BTBD16: variants seen among roughly 807,000 people sequenced by gnomAD.
BTBD16 encodes BTB domain containing 16.
Under a neutral mutation model 67.4 loss-of-function variants are expected in BTBD16, and 66 were observed. That is an observed-to-expected ratio of 0.98 (90% CI 0.80 to 1.20). BTBD16 has a LOEUF of 1.20. Among genes scored for constraint, BTBD16 ranks in the 50% most tolerant of loss-of-function variants. The probability of loss-of-function intolerance (pLI) is 0.00; values close to 1 mark genes in which losing one functional copy is unlikely to be tolerated. For missense variants in BTBD16, 634 were observed against 616.0 expected, an observed-to-expected ratio of 1.03 and a Z score of -0.31; for synonymous variants, 242 against 236.4, an observed-to-expected ratio of 1.02 and a Z score of -0.22.
intron 14 of BTBD16, 44 bp from the exon 15 acceptor site, chr10:122,336,450 A>G: frequency 6.5e-7 from 1 of 1,529,154 alleles, no homozygotes; most frequent in Non-Finnish European, 8.9e-7. Context: ...ACTCTGGGCC[A>G]CCCCGATTGC....
intron 14 of BTBD16, among the ~76,000 whole-genome samples, chr10:122,335,546 C>T (rs1362997988): frequency 6.6e-6 from 1 of 152,236 alleles, no homozygotes; most frequent in Non-Finnish European, 1.5e-5. Flanking sequence ...CAGGAACTCT[C>T]CTCTGTGCAG....
intron 7 of BTBD16, among the ~76,000 whole-genome samples, chr10:122,293,905 C>A (rs2096378523): frequency 6.6e-6 from 1 of 152,186 alleles, no homozygotes; most frequent in Admixed American, 6.5e-5. Flanking sequence ...CCGCATTTAA[C>A]CTTCAGAACT....
At chr10:122,274,961 A>G (rs554570919) in intron 1 of BTBD16, 79 bp from the exon 2 acceptor site, 978 of 932,402 alleles carry the variant, frequency 1.0e-3, no homozygotes, top group Non-Finnish European at 1.5e-3. Flanking sequence ...GTGGCAAAGT[A>G]TAGATTCTTT....
chr10:122,298,598 TAC>T (rs1421282869), intron 8 of BTBD16, among the ~76,000 whole-genome samples: 1 of 152,120 alleles, frequency 6.6e-6, no homozygotes, highest in Non-Finnish European at 1.5e-5. Context: ...TCCTGCGAGG[TAC>T]ACCCCTTGGG....
chr10:122,298,750 G>A (rs1275166732), intron 8 of BTBD16, among the ~76,000 whole-genome samples: 1 of 152,154 alleles, frequency 6.6e-6, no homozygotes, highest in Non-Finnish European at 1.5e-5. Context: ...TTTCCCCACC[G>A]GTGACCTAGG....
intron 10 of BTBD16, among the ~76,000 whole-genome samples, chr10:122,317,508 A>G (rs1419546301): frequency 2.0e-5 from 3 of 151,978 alleles, no homozygotes; most frequent in African/African-American, 4.8e-5. Flanking sequence ...TTAGCCGGGC[A>G]TGGTGGCGGG....
chr10:122,331,118 C>A, intron 11 of BTBD16, 58 bp from the exon 12 acceptor site: 1 of 1,575,630 alleles, frequency 6.3e-7, no homozygotes, highest in South Asian at 1.2e-5. Flanking sequence ...GTAAATGAGA[C>A]TTTTGAGGCT....
At chr10:122,313,257 G>GTTTTT (rs58984425) in intron 10 of BTBD16, among the ~76,000 whole-genome samples, 7 of 139,136 alleles carry the variant, frequency 5.0e-5, no homozygotes, top group African/African-American at 5.3e-5. Context: ...AGTTAGTGCT[G>GTTTTT]TTTTTTTTTT....
chr10:122,281,422 G>A (rs146922014), intron 3 of BTBD16, among the ~76,000 whole-genome samples: 60 of 151,574 alleles, frequency 4.0e-4, no homozygotes, highest in African/African-American at 1.4e-3. Context: ...GAGGTCTCGC[G>A]CAGTTGCCCA....
intron 13 of BTBD16, among the ~76,000 whole-genome samples, chr10:122,334,599 C>T (rs2096460517): frequency 7.0e-6 from 1 of 142,670 alleles, no homozygotes; most frequent in Non-Finnish European, 1.5e-5. Context: ...ATCTGCCTCC[C>T]CGATTCAAGT....
At chr10:122,306,530 G>T (rs978560387) in intron 9 of BTBD16, among the ~76,000 whole-genome samples, 6 of 152,166 alleles carry the variant, frequency 3.9e-5, no homozygotes, top group African/African-American at 1.4e-4. Context: ...AGCCAGTCTG[G>T]TGAGGAACTG....
chr10:122,294,680 T>C (rs2142072332), intron 7 of BTBD16, among the ~76,000 whole-genome samples: 1 of 152,344 alleles, frequency 6.6e-6, no homozygotes, highest in African/African-American at 2.4e-5. Context: ...TGTGGGCAAC[T>C]TCCTGGTCCT....
intron 6 of BTBD16, 164 bp from the exon 7 acceptor site, chr10:122,290,916 C>A: frequency 1.5e-6 from 1 of 658,786 alleles, no homozygotes; most frequent in Non-Finnish European, 1.9e-6. Context: ...AGGCTGGTAG[C>A]ACAGATCGTC....
intron 10 of BTBD16, among the ~76,000 whole-genome samples, chr10:122,328,306 C>A (rs745546011): frequency 4.6e-5 from 7 of 152,164 alleles, no homozygotes; most frequent in Admixed American, 6.5e-5. Flanking sequence ...CTCCTGAAAG[C>A]ATCCGCCTGA....
chr10:122,292,977 CATTCATGGG>C (rs1283648253), intron 7 of BTBD16, among the ~76,000 whole-genome samples: 1 of 152,158 alleles, frequency 6.6e-6, no homozygotes, highest in Non-Finnish European at 1.5e-5. Flanking sequence ...AGTGGAAAAT[CATTCATGGG>C]ATTCATTTCT....
chr10:122,290,390 C>A (rs1041205430), intron 6 of BTBD16, among the ~76,000 whole-genome samples: 8 of 152,184 alleles, frequency 5.3e-5, no homozygotes, highest in Non-Finnish European at 1.2e-4. Context: ...CTGCCAAGGA[C>A]CACCCCTTAC....
chr10:122,331,024 T>G, intron 11 of BTBD16, 152 bp from the exon 12 acceptor site: 2 of 954,792 alleles, frequency 2.1e-6, no homozygotes, highest in East Asian at 5.9e-5. Flanking sequence ...AGACGTTTTA[T>G]TTCCACTTTG....
In BTBD16 at chr10:122,276,490, T is replaced by G. The variant is rs1172150751; in HGVS notation, c.19-301T>G. ...AGTACTTAAAGCCTAATACTATCCC[T>G]GCCTGTGGATTCTTCAGAGAGCTAC... On this transcript the variant is annotated intron_variant, in intron 2 of 15. Transcript: ENST00000260723. Among the ~76,000 whole-genome samples, 3 of 152,250 alleles carry G rather than the reference T, an allele frequency of 2.0e-5. No homozygotes were observed. The East Asian group carries it at 5.8e-4, about 29-fold the overall frequency.
chr10:122,289,831 C>T, intron 5 of BTBD16, 78 bp from the exon 6 acceptor site: 1 of 912,822 alleles, frequency 1.1e-6, no homozygotes, highest in South Asian at 1.4e-5. Context: ...ATGGTCATGC[C>T]AGGGTGGTGG....
Sources: allele counts gnomAD v4.1 joint callset (sites outside exome capture counted in the v4.1 genomes callset), GRCh38; gene constraint gnomAD v4.1.1; transcripts MANE v1.5; gene names NCBI Gene and HGNC (gene_info 2026-07-23, HGNC 2026-07-21).